MARCHF3: variants seen among roughly 807,000 people sequenced by gnomAD.
MARCHF3 encodes the protein E3 ubiquitin-protein ligase MARCHF3.
In MARCHF3, 13 loss-of-function variants were observed where a neutral mutation model predicts 24.2. That is an observed-to-expected ratio of 0.54 (90% CI 0.35 to 0.85). The LOEUF (loss-of-function observed/expected upper bound fraction) is 0.85, where lower values mean the gene tolerates loss of function less well. Ranked by LOEUF, MARCHF3 falls within the 40% of genes least tolerant of loss-of-function variation. The pLI is 0.01. For missense variants in MARCHF3, 276 were observed against 325.0 expected, an observed-to-expected ratio of 0.85 and a Z score of 1.16; for synonymous variants, 144 against 137.3, an observed-to-expected ratio of 1.05 and a Z score of -0.34.
chr5:127,018,463 T>C (rs1433525042), intron 1 of MARCHF3, among the ~76,000 whole-genome samples: 2 of 151,428 alleles, frequency 1.3e-5, no homozygotes, highest in African/African-American at 4.9e-5. Flanking sequence ...AAACAGAAAA[T>C]TGGTGGTAGT....
intron 1 of MARCHF3, among the ~76,000 whole-genome samples, chr5:126,958,618 G>C (rs1750529391): frequency 6.6e-6 from 1 of 152,020 alleles, no homozygotes; most frequent in Non-Finnish European, 1.5e-5. Flanking sequence ...GTCAGGACTG[G>C]GAAGTATATA....
At chr5:126,984,507 C>T (rs1272164780) in intron 1 of MARCHF3, among the ~76,000 whole-genome samples, 1 of 152,182 alleles carries the variant, frequency 6.6e-6, no homozygotes, top group African/African-American at 2.4e-5. Context: ...CCAACCTAGG[C>T]CTCAAGTTAA....
chr5:126,969,305 T>G (rs1015635923), intron 1 of MARCHF3, among the ~76,000 whole-genome samples: 1 of 152,242 alleles, frequency 6.6e-6, no homozygotes, highest in African/African-American at 2.4e-5. Flanking sequence ...GAACTTTTTT[T>G]GGTCTACTTT....
At chr5:126,897,900 C>G (rs1401959737) in intron 3 of MARCHF3, among the ~76,000 whole-genome samples, 2 of 152,054 alleles carry the variant, frequency 1.3e-5, no homozygotes, top group Admixed American at 6.6e-5. Context: ...AAATCTGAGA[C>G]TAGAGCTTGC....
chr5:126,991,733 AG>A (rs1751769717), intron 1 of MARCHF3, among the ~76,000 whole-genome samples: 1 of 151,636 alleles, frequency 6.6e-6, no homozygotes, highest in Non-Finnish European at 1.5e-5. Context: ...AAAAAAAAAA[AG>A]AAACCTAGTG....
intron 3 of MARCHF3, chr5:126,914,702 G>A (rs1300238092): frequency 8.6e-6 from 5 of 580,108 alleles, no homozygotes; most frequent in African/African-American, 3.8e-5. Flanking sequence ...TTCTACTGCT[G>A]GATCCCAAGT....
chr5:126,920,230 C>G (rs906480634), intron 1 of MARCHF3, among the ~76,000 whole-genome samples: 7 of 123,844 alleles, frequency 5.7e-5, no homozygotes, highest in African/African-American at 1.1e-4. Flanking sequence ...TGGGGCCAGA[C>G]AGTTGTTTTG....
chr5:127,022,414 A>T (rs1235185079), intron 1 of MARCHF3, among the ~76,000 whole-genome samples: 1 of 152,240 alleles, frequency 6.6e-6, no homozygotes, highest in African/African-American at 2.4e-5. Flanking sequence ...TGGAAGTTGG[A>T]GGCTGAATTA....
chr5:126,956,907 G>A (rs1185046237), intron 1 of MARCHF3, among the ~76,000 whole-genome samples: 2 of 152,088 alleles, frequency 1.3e-5, no homozygotes, highest in African/African-American at 2.4e-5. Flanking sequence ...TGAATTGGCA[G>A]GTTAAGAACG....
intron 3 of MARCHF3, among the ~76,000 whole-genome samples, chr5:126,912,816 C>T (rs949208088): frequency 6.6e-6 from 1 of 152,230 alleles, no homozygotes; most frequent in Non-Finnish European, 1.5e-5. Flanking sequence ...GGCCAGCCTC[C>T]CCCAGCTTGG....
chr5:126,986,069 T>C (rs1436354154), intron 1 of MARCHF3, among the ~76,000 whole-genome samples: 6 of 152,240 alleles, frequency 3.9e-5, no homozygotes, highest in African/African-American at 1.2e-4. Context: ...AATATGTTCA[T>C]TGTCAAATAT....
At chr5:126,992,627 A>G (rs963952099) in intron 1 of MARCHF3, among the ~76,000 whole-genome samples, 5 of 151,972 alleles carry the variant, frequency 3.3e-5, no homozygotes, top group Admixed American at 1.3e-4. Flanking sequence ...ACTACACATT[A>G]CGGGTTCCTG....
intron 1 of MARCHF3, among the ~76,000 whole-genome samples, chr5:126,979,588 G>A (rs1466597043): frequency 1.3e-5 from 2 of 152,178 alleles, no homozygotes; most frequent in African/African-American, 4.8e-5. Flanking sequence ...CAGGTTACCT[G>A]TCCTCCATTT....
rs1478603753 is a variant in MARCHF3 at position 126,918,025 on chromosome 5, C to T, written c.147G>A (p.Gly49=). ...QYVMQVSAKD[G]QLLSTVVRTL... ...TCCGCACTACTGTTGACAGCAGCTG[C>T]CCGTCCTTGGCTGAAACTTGCATGA... Residue 49 remains glycine (G), a synonymous_variant, in exon 2 of 5, where the codon GGG becomes GGA. Transcript: ENST00000308660. 6.2e-6 allele frequency: 10 copies of T among 1,614,134 alleles called. No individual in the cohort carries two copies. The highest frequency in any genetic ancestry group is 8.5e-6 in the Non-Finnish European group (10 of 1,180,020).
chr5:127,002,561 T>C (rs1561467982), intron 1 of MARCHF3, among the ~76,000 whole-genome samples: 1 of 152,204 alleles, frequency 6.6e-6, no homozygotes, highest in Non-Finnish European at 1.5e-5. Context: ...ACAGTTACCA[T>C]GGTTACTTAG....
chr5:126,894,946 C>A (rs1291945616), intron 3 of MARCHF3, among the ~76,000 whole-genome samples: 1 of 152,034 alleles, frequency 6.6e-6, no homozygotes, highest in Non-Finnish European at 1.5e-5. Flanking sequence ...TTCAGGTACA[C>A]CAATCAGATG....
chr5:127,025,907 G>A (rs1016381835), intron 1 of MARCHF3, among the ~76,000 whole-genome samples: 3 of 152,128 alleles, frequency 2.0e-5, no homozygotes, highest in Non-Finnish European at 4.4e-5. Context: ...AACTTAAGGG[G>A]GCATTTCGGA....
chr5:126,917,360 G>A (rs1030773425), intron 2 of MARCHF3, among the ~76,000 whole-genome samples: 2 of 152,132 alleles, frequency 1.3e-5, no homozygotes, highest in African/African-American at 2.4e-5. Context: ...GCCTGCACTC[G>A]GGCTTTAGTT....
At chr5:127,010,638 A>T (rs980249093) in intron 1 of MARCHF3, among the ~76,000 whole-genome samples, 9 of 152,238 alleles carry the variant, frequency 5.9e-5, no homozygotes, top group African/African-American at 1.9e-4. Flanking sequence ...TGGATCAAGC[A>T]TGAAAATCTA....
Sources: allele counts gnomAD v4.1 joint callset (sites outside exome capture counted in the v4.1 genomes callset), GRCh38; gene constraint gnomAD v4.1.1; transcripts MANE v1.5; gene names NCBI Gene and HGNC (gene_info 2026-07-23, HGNC 2026-07-21).